SLC24A2: variants seen among roughly 807,000 people sequenced by gnomAD.
SLC24A2 encodes the protein sodium/potassium/calcium exchanger 2.
Under a neutral mutation model 62.0 loss-of-function variants are expected in SLC24A2, and 36 were observed. That is an observed-to-expected ratio of 0.58 (90% CI 0.44 to 0.77). The LOEUF is 0.77. Ranked by LOEUF, SLC24A2 falls within the 30% of genes least tolerant of loss-of-function variation. The pLI is 0.00. For missense variants in SLC24A2, 846 were observed against 817.9 expected (o/e 1.03, Z -0.42); for synonymous variants, 358 against 294.0 (o/e 1.22, Z -2.23).
chr9:20,015,417 AGAG>A, the SLC24A2 span, among the ~76,000 whole-genome samples: 1 of 152,222 alleles, frequency 6.6e-6, no homozygotes, highest in Non-Finnish European at 1.5e-5. Context: ...GAGAGTTAGA[AGAG>A]CTGTGAGCTG....
chr9:19,974,453 C>T, the SLC24A2 span, among the ~76,000 whole-genome samples: 2 of 152,172 alleles, frequency 1.3e-5, no homozygotes, highest in African/African-American at 2.4e-5. Flanking sequence ...TCAACAAGTG[C>T]TTATGTACTC....
the SLC24A2 span, among the ~76,000 whole-genome samples, chr9:19,820,459 A>G: frequency 1.3e-5 from 2 of 151,640 alleles, no homozygotes; most frequent in Non-Finnish European, 2.9e-5. Flanking sequence ...TTTAAAAAAA[A>G]ATTTTAAAAA....
At chr9:19,726,344 A>G (rs1298655889) in intron 2 of SLC24A2, among the ~76,000 whole-genome samples, 1 of 152,250 alleles carries the variant, frequency 6.6e-6, no homozygotes, top group Non-Finnish European at 1.5e-5. Flanking sequence ...ATCAGGTTCT[A>G]TAAACTCTAG....
At chr9:20,068,795 T>C in the SLC24A2 span, among the ~76,000 whole-genome samples, 89 of 152,300 alleles carry the variant, frequency 5.8e-4, 1 homozygote, top group African/African-American at 2.0e-3. Context: ...CATACTAATA[T>C]GGACAAGTTT....
At position 19,550,193 on chromosome 9, in the gene SLC24A2, T is replaced by C. The variant is rs1370517052; in HGVS notation, c.1423A>G (p.Ile475Val). Residue 475 changes from isoleucine to valine, a missense_variant, in exon 8 of 11, where the codon ATT becomes GTT. Physicochemically the swap from Ile to Val is conservative, Grantham distance 29. Transcript: ENST00000341998. ...SETRKQVTFL[I>V]VFPIVFPLWI... ...AGAGGAAACACTATGGGGAAAACAA[T>C]CAGAAACGTGACTTGCTTGCGGGTT... The C allele has an allele frequency of 6.2e-7, 1 of 1,614,064 alleles. No homozygotes were observed. Among genetic ancestry groups the C allele is most frequent in the Non-Finnish European group, 8.5e-7 (1 of 1,179,974 alleles).
chr9:20,305,110 CT>C, the SLC24A2 span, among the ~76,000 whole-genome samples: 27,592 of 135,082 alleles, frequency 0.2, 3,624 homozygotes, highest in African/African-American at 0.42. Flanking sequence ...AGGATAATAC[CT>C]TTTTTTTTTT....
intron 5 of SLC24A2, among the ~76,000 whole-genome samples, chr9:19,585,938 C>T (rs546406590): frequency 6.6e-6 from 1 of 152,308 alleles, no homozygotes; most frequent in South Asian, 2.1e-4. Context: ...TCTTTCCTAG[C>T]AGGGTCACCT....
At chr9:20,200,544 G>A in the SLC24A2 span, among the ~76,000 whole-genome samples, 1 of 152,224 alleles carries the variant, frequency 6.6e-6, no homozygotes, top group Non-Finnish European at 1.5e-5. Context: ...CGAACAGAGG[G>A]AAAGTAGAAA....
At chr9:20,021,608 G>A in the SLC24A2 span, among the ~76,000 whole-genome samples, 2 of 151,908 alleles carry the variant, frequency 1.3e-5, no homozygotes, top group Non-Finnish European at 2.9e-5. Context: ...TACCAAAGAC[G>A]TTTTCAAGCA....
At chr9:20,301,037 G>C in the SLC24A2 span, among the ~76,000 whole-genome samples, 3 of 152,192 alleles carry the variant, frequency 2.0e-5, no homozygotes, top group Non-Finnish European at 2.9e-5. Context: ...CTGGTGATTA[G>C]ATGAGGGGAT....
chr9:20,177,418 T>C, the SLC24A2 span, among the ~76,000 whole-genome samples: 19 of 152,254 alleles, frequency 1.2e-4, no homozygotes, highest in South Asian at 3.3e-3. Flanking sequence ...TTGTCTTCTT[T>C]GTTGCAGCAG....
At chr9:19,949,275 T>C in the SLC24A2 span, among the ~76,000 whole-genome samples, 1 of 152,066 alleles carries the variant, frequency 6.6e-6, no homozygotes, top group Admixed American at 6.5e-5. Flanking sequence ...ATTACAGGCA[T>C]GAGCCACTGC....
intron 7 of SLC24A2, among the ~76,000 whole-genome samples, chr9:19,567,807 C>A (rs547839093): frequency 6.6e-6 from 1 of 151,748 alleles, no homozygotes; most frequent in Non-Finnish European, 1.5e-5. Flanking sequence ...AGCTAGTGAT[C>A]GCTCAGCCAT....
chr9:19,758,866 C>T (rs1822225707), intron 2 of SLC24A2, among the ~76,000 whole-genome samples: 1 of 152,164 alleles, frequency 6.6e-6, no homozygotes, highest in Non-Finnish European at 1.5e-5. Context: ...AGCTAGAACA[C>T]ATTCTCTTGT....
chr9:19,853,956 G>T, the SLC24A2 span, among the ~76,000 whole-genome samples: 1 of 152,104 alleles, frequency 6.6e-6, no homozygotes, highest in African/African-American at 2.4e-5. Context: ...TTGTTGGTAG[G>T]CTATGTATTA....
the SLC24A2 span, among the ~76,000 whole-genome samples, chr9:20,040,307 T>C: frequency 3.3e-5 from 5 of 152,242 alleles, no homozygotes; most frequent in African/African-American, 1.2e-4. Context: ...GGGAGAAGTT[T>C]GAGAGACATT....
chr9:19,650,066 G>C (rs1465168856), intron 2 of SLC24A2, among the ~76,000 whole-genome samples: 1 of 152,094 alleles, frequency 6.6e-6, no homozygotes, highest in Non-Finnish European at 1.5e-5. Flanking sequence ...GATCCTCATA[G>C]GGAAAAAGGA....
intron 9 of SLC24A2, among the ~76,000 whole-genome samples, chr9:19,526,426 A>G (rs1434908785): frequency 6.6e-6 from 1 of 152,202 alleles, no homozygotes; most frequent in African/African-American, 2.4e-5. Context: ...GAACTGCCAA[A>G]CTATTTCCCA....
chr9:19,702,893 T>C (rs71508801), intron 2 of SLC24A2, among the ~76,000 whole-genome samples: 27,221 of 152,082 alleles, frequency 0.18, 2,593 homozygotes, highest in Middle Eastern at 0.24. Flanking sequence ...AGTATACATA[T>C]AGCAAAACAT....
Sources: allele counts gnomAD v4.1 joint callset (sites outside exome capture counted in the v4.1 genomes callset), GRCh38; gene constraint gnomAD v4.1.1; transcripts MANE v1.5; gene names NCBI Gene and HGNC (gene_info 2026-07-23, HGNC 2026-07-21).